The following PTER variants were observed in gnomAD, a reference collection of about 807,000 sequenced individuals.
The protein encoded by PTER is phosphotriesterase related.
In PTER, 38 loss-of-function variants were observed where a neutral mutation model predicts 29.6. The ratio of observed to expected loss-of-function variants is 1.28; its 90% confidence interval spans 0.99 to 1.68. The LOEUF is 1.68. Ranked by LOEUF, PTER falls within the 40% of genes most tolerant of loss-of-function variation. PTER has a pLI of 0.00. For synonymous variants in PTER, 172 were observed against 154.5 expected, an observed-to-expected ratio of 1.11 and a Z score of -0.84; for missense variants, 482 against 427.8, an observed-to-expected ratio of 1.13 and a Z score of -1.12.
chr10:16,497,714 T>C (rs528941836), intron 3 of PTER, among the ~76,000 whole-genome samples: 2 of 152,334 alleles, frequency 1.3e-5, no homozygotes, highest in Admixed American at 1.3e-4. Context: ...GACCCTTGTC[T>C]AAATTATCAC....
intron 1 of PTER, among the ~76,000 whole-genome samples, chr10:16,444,691 C>G (rs1472179707): frequency 6.6e-6 from 1 of 152,162 alleles, no homozygotes; most frequent in Non-Finnish European, 1.5e-5. Context: ...CCACAACCAG[C>G]TAGCAAAGCT....
intron 1 of PTER, among the ~76,000 whole-genome samples, chr10:16,453,577 G>T (rs1219523048): frequency 6.6e-6 from 1 of 152,024 alleles, no homozygotes; most frequent in African/African-American, 2.4e-5. Context: ...GGAACTTCTG[G>T]GTTGTGAAGT....
Position 16,484,540 on chromosome 10 carries a change from C to T in PTER, c.156C>T (p.Ile52=), listed in dbSNP as rs751389634. The T allele has an allele frequency of 1.7e-5, 28 of 1,613,824 alleles. No homozygotes were observed. The highest frequency in any genetic ancestry group is 3.3e-5 in the South Asian group (3 of 91,066). ...PCQEAISKEP[I]VMKNLYWIQK... is the part of the protein sequence containing the mutation. ...AGGAAGCTATTTCCAAAGAACCTAT[C>T]GTGATGAAAAATTTATATTGGATTC... Residue 52 remains isoleucine, a synonymous_variant, in exon 2 of 5, where the codon ATC becomes ATT. Transcript: ENST00000535784.
At chr10:16,496,683 C>T (rs113053012) in intron 3 of PTER, among the ~76,000 whole-genome samples, 59 of 152,242 alleles carry the variant, frequency 3.9e-4, no homozygotes, top group Middle Eastern at 3.4e-3. Flanking sequence ...TATTTGTTTC[C>T]GTGTCTCTTT....
chr10:16,471,133 T>A (rs549394625), intron 1 of PTER, among the ~76,000 whole-genome samples: 25 of 152,156 alleles, frequency 1.6e-4, no homozygotes, highest in Non-Finnish European at 2.8e-4. Context: ...CAGCTTGAAT[T>A]GAATTAAAAT....
At chr10:16,518,303 G>C (rs1836984479), downstream of PTER, among the ~76,000 whole-genome samples, 1 of 152,128 alleles carries the variant, frequency 6.6e-6, no homozygotes, top group South Asian at 2.1e-4. Flanking sequence ...TTCCAAAATA[G>C]TCCACACTGA....
intron 1 of PTER, among the ~76,000 whole-genome samples, chr10:16,478,434 A>G (rs1345152211): frequency 6.6e-6 from 1 of 151,476 alleles, no homozygotes; most frequent in Non-Finnish European, 1.5e-5. Context: ...CCCGGGTTCA[A>G]GCGATTATCC....
At chr10:16,439,753 G>A (rs1446737854) in intron 1 of PTER, among the ~76,000 whole-genome samples, 1 of 152,038 alleles carries the variant, frequency 6.6e-6, no homozygotes, top group African/African-American at 2.4e-5. Context: ...TAGAGATGGG[G>A]GGTCTTGTTT....
At chr10:16,460,757 T>A (rs1024663160) in intron 1 of PTER, among the ~76,000 whole-genome samples, 5 of 152,154 alleles carry the variant, frequency 3.3e-5, no homozygotes, top group Non-Finnish European at 5.9e-5. Context: ...TCTTTTTTTT[T>A]AAATAGAGTC....
chr10:16,484,575 C>A lies in PTER; in HGVS notation c.191C>A (p.Ala64Asp). ...MKNLYWIQKN[A>D]YSHKENLQLN... ...AATTTATATTGGATTCAGAAAAACG[C>A]CTATTCCCATAAAGAAAACCTTCAA... Residue 64 changes from alanine (A) to aspartate (D), a missense_variant, in exon 2 of 5, where the codon GCC becomes GAC. By Grantham distance (126) the Ala-to-Asp change is moderately radical. Transcript: ENST00000535784. The A allele has an allele frequency of 1.9e-6, 3 of 1,613,910 alleles. No homozygotes were observed. Among genetic ancestry groups the A allele is most frequent in the Non-Finnish European group, 2.5e-6 (3 of 1,179,952 alleles).
intron 1 of PTER, among the ~76,000 whole-genome samples, chr10:16,463,196 T>A (rs1312900190): frequency 8.4e-6 from 1 of 119,496 alleles, no homozygotes; most frequent in Non-Finnish European, 1.7e-5. Flanking sequence ...CGAGACTCTG[T>A]CTAAAAAAAA....
intron 1 of PTER, among the ~76,000 whole-genome samples, chr10:16,476,703 C>G (rs1305495127): frequency 2.0e-5 from 3 of 151,862 alleles, no homozygotes; most frequent in Non-Finnish European, 4.4e-5. Context: ...TCCAGAGTAG[C>G]TTGGACCACA....
chr10:16,487,268 A>C (rs1835738730), intron 3 of PTER, among the ~76,000 whole-genome samples: 1 of 152,188 alleles, frequency 6.6e-6, no homozygotes, highest in African/African-American at 2.4e-5. Flanking sequence ...AGAAGTCTGA[A>C]ATGAAACTTT....
downstream of PTER, among the ~76,000 whole-genome samples, chr10:16,517,116 C>A (rs1265365097): frequency 2.0e-5 from 3 of 152,168 alleles, no homozygotes; most frequent in African/African-American, 7.2e-5. Flanking sequence ...TTTCCAGATT[C>A]CTAAATGTAC....
At chr10:16,507,699 A>G (rs1471078837) in intron 4 of PTER, among the ~76,000 whole-genome samples, 1 of 152,248 alleles carries the variant, frequency 6.6e-6, no homozygotes, top group Non-Finnish European at 1.5e-5. Flanking sequence ...TCAGTGTTGC[A>G]TTAGTTAAGT....
rs183394360 is a variant in PTER, at chr10:16,438,197, G to A, written c.-49+1150G>A. ...ATTTTTGTATTTTTAGTAGAGACGG[G>A]GTTTCACCATACTGGCCAGGCTGAT... On this transcript the variant is annotated intron_variant, in intron 1 of 4. Coordinates refer to ENST00000535784, the MANE Select transcript of PTER (RefSeq NM_001261836.2). Among the ~76,000 whole-genome samples the A allele has an allele frequency of 4.6e-5, 7 of 152,126 alleles. No individual in the cohort carries two copies. In the East Asian group the frequency reaches 9.7e-4, roughly 21 times the overall value.
intron 1 of PTER, among the ~76,000 whole-genome samples, chr10:16,446,943 C>T (rs768465270): frequency 2.0e-5 from 3 of 152,054 alleles, no homozygotes; most frequent in Non-Finnish European, 4.4e-5. Flanking sequence ...CGTGCGCTAC[C>T]ATGCCCAGCT....
rs952054971 is a variant in PTER at position 16,465,554 on chromosome 10, C to T, written c.-48-18783C>T. Among the ~76,000 whole-genome samples the T allele has an allele frequency of 4.1e-4, 63 of 152,146 alleles. 1 individual carries two copies. The highest frequency in any genetic ancestry group is 3.9e-3 in the Admixed American group (60 of 15,262). ...ATTGGTCACAAGCCTATAAAGAGGA[C>T]ATAATGCCAACGAAAACATAGGTTT... is the stretch of plus-strand genomic sequence containing the variant. On this transcript the variant is annotated intron_variant, in intron 1 of 4. Transcript: ENST00000535784.
At chr10:16,502,651 C>T (rs941148021) in intron 3 of PTER, among the ~76,000 whole-genome samples, 6 of 152,050 alleles carry the variant, frequency 3.9e-5, no homozygotes, top group Non-Finnish European at 8.8e-5. Context: ...AAACTTCCCG[C>T]ACCCGTGGCA....
Sources: gnomAD v4.1 joint callset for allele counts (sites outside exome capture counted in the v4.1 genomes callset) on GRCh38, gnomAD v4.1.1 for gene constraint, MANE v1.5 for transcripts, NCBI Gene and HGNC (gene_info 2026-07-23, HGNC 2026-07-21) for gene names.